CAMK1D: variants seen among roughly 807,000 people sequenced by gnomAD.
CAMK1D encodes calcium/calmodulin-dependent protein kinase type 1D.
A neutral mutation model predicts 47.7 loss-of-function variants in CAMK1D; 9 were observed. That is an observed-to-expected ratio of 0.19 (90% CI 0.11 to 0.33). The LOEUF (loss-of-function observed/expected upper bound fraction) is 0.33. Ranked by LOEUF, CAMK1D falls within the 10% of genes least tolerant of loss-of-function variation. The pLI is 1.00. For missense variants in CAMK1D, 291 were observed against 488.7 expected, an observed-to-expected ratio of 0.60 and a Z score of 3.81; for synonymous variants, 184 against 184.9, an observed-to-expected ratio of 0.99 and a Z score of 0.04.
chr10:12,655,887 A>G lies in CAMK1D; in HGVS notation c.225-10849A>G, dbSNP rs955740996. ...ACTTGTCTGTGCAGATAAAGAACCT[A>G]TTGATGCACAAGTTGTCACCAGGCT... On this transcript the variant is annotated intron_variant, in intron 2 of 10. Transcript: ENST00000619168. 4.6e-5 allele frequency among the ~76,000 whole-genome samples: 7 copies of G among 152,240 alleles called. No homozygotes were observed. The South Asian group carries it at 1.2e-3, about 27-fold the overall frequency.
intron 1 of CAMK1D, among the ~76,000 whole-genome samples, chr10:12,415,106 T>C (rs1462345408): frequency 6.6e-6 from 1 of 152,106 alleles, no homozygotes; most frequent in Non-Finnish European, 1.5e-5. Context: ...GGGCCACCTT[T>C]CTTAGTTCAT....
chr10:12,504,268 C>T (rs1193134993), intron 1 of CAMK1D, among the ~76,000 whole-genome samples: 1 of 148,182 alleles, frequency 6.7e-6, no homozygotes, highest in East Asian at 1.9e-4. Context: ...GCTGGAGACC[C>T]AGGAAAGCCA....
intron 2 of CAMK1D, among the ~76,000 whole-genome samples, chr10:12,598,415 G>A (rs1360259341): frequency 1.3e-5 from 2 of 152,286 alleles, no homozygotes. Flanking sequence ...AGATACATCA[G>A]GTTGTGCTCT....
At chr10:12,389,688 G>A (rs901237713) in intron 1 of CAMK1D, among the ~76,000 whole-genome samples, 1 of 152,268 alleles carries the variant, frequency 6.6e-6, no homozygotes, top group Non-Finnish European at 1.5e-5. Context: ...GAATGTTAAT[G>A]GCCGTGAGTT....
intron 7 of CAMK1D, 110 bp downstream of exon 7, chr10:12,814,417 G>A (rs1434354492): frequency 3.2e-6 from 2 of 633,096 alleles, no homozygotes; most frequent in Admixed American, 2.7e-5. Flanking sequence ...ACAGTCCTGA[G>A]GGTCCTGTCT....
chr10:12,754,750 A>G (rs552346202), intron 3 of CAMK1D, among the ~76,000 whole-genome samples: 3 of 151,996 alleles, frequency 2.0e-5, no homozygotes, highest in South Asian at 2.1e-4. Context: ...GAGTCCTTAC[A>G]TGGTCTTCCT....
chr10:12,366,310 A>G lies in CAMK1D; in HGVS notation c.92+16400A>G, dbSNP rs149988076. Among the ~76,000 whole-genome samples the G allele has an allele frequency of 5.6e-3, 849 of 152,302 alleles. 11 individuals carry two copies. Among genetic ancestry groups the G allele is most frequent in the African/African-American group, 0.019 (802 of 41,562 alleles). On this transcript the variant is annotated intron_variant, in intron 1 of 10. Coordinates refer to ENST00000619168, the MANE Select transcript of CAMK1D (RefSeq NM_153498.4). ...CTTAAAATTAGAACAGCAACATGCCATCCTTGTAGAGAATTTGAAAAATTT... is the reference window on the plus strand; with the variant it reads ...CTTAAAATTAGAACAGCAACATGCCGTCCTTGTAGAGAATTTGAAAAATTT...
chr10:12,463,905 T>G (rs1024380754), intron 1 of CAMK1D, among the ~76,000 whole-genome samples: 20 of 152,164 alleles, frequency 1.3e-4, no homozygotes, highest in African/African-American at 4.8e-4. Context: ...TAGTGTCTCC[T>G]GCGTTCCTTC....
At chr10:12,630,206 T>C (rs538236657) in intron 2 of CAMK1D, among the ~76,000 whole-genome samples, 2 of 152,304 alleles carry the variant, frequency 1.3e-5, no homozygotes, top group African/African-American at 2.4e-5. Flanking sequence ...CTAACTTTCA[T>C]GCTCCGTCTT....
intron 3 of CAMK1D, among the ~76,000 whole-genome samples, chr10:12,703,423 C>T (rs1190332367): frequency 6.6e-6 from 1 of 152,186 alleles, no homozygotes; most frequent in African/African-American, 2.4e-5. Context: ...GGAGTCCAGT[C>T]CCACAGCTGT....
intron 5 of CAMK1D, among the ~76,000 whole-genome samples, chr10:12,774,119 C>G (rs1588910861): frequency 6.6e-6 from 1 of 152,058 alleles, no homozygotes; most frequent in Non-Finnish European, 1.5e-5. Context: ...ACATAAAAAT[C>G]CCCTCCCTAG....
At chr10:12,641,505 C>A (rs897808996) in intron 2 of CAMK1D, among the ~76,000 whole-genome samples, 1 of 151,260 alleles carries the variant, frequency 6.6e-6, no homozygotes, top group African/African-American at 2.4e-5. Flanking sequence ...ACCTGTAGTC[C>A]TGGTTGGAAA....
intron 1 of CAMK1D, among the ~76,000 whole-genome samples, chr10:12,528,679 G>A (rs1363294615): frequency 6.6e-6 from 1 of 151,580 alleles, no homozygotes; most frequent in Non-Finnish European, 1.5e-5. Flanking sequence ...ATTTGTGAGT[G>A]TCAGATGTTA....
intron 7 of CAMK1D, among the ~76,000 whole-genome samples, chr10:12,815,038 G>A (rs1361398951): frequency 3.3e-5 from 5 of 152,190 alleles, no homozygotes; most frequent in Admixed American, 2.6e-4. Context: ...TCAGTCCTCA[G>A]GACAGCCTGT....
At chr10:12,735,583 G>C (rs1835152672) in intron 3 of CAMK1D, among the ~76,000 whole-genome samples, 1 of 152,202 alleles carries the variant, frequency 6.6e-6, no homozygotes, top group Non-Finnish European at 1.5e-5. Context: ...GTGTCCAAGG[G>C]ACAGTGATGG....
chr10:12,468,564 A>G (rs1833657115), intron 1 of CAMK1D, among the ~76,000 whole-genome samples: 1 of 152,156 alleles, frequency 6.6e-6, no homozygotes, highest in Non-Finnish European at 1.5e-5. Flanking sequence ...GTTGTCCTGG[A>G]GTGGCATGGC....
rs1047379452 is a variant in CAMK1D, at chr10:12,828,930, G to T, written c.*43G>T. ...GCCCGGGGTCGGGGCTGGGGAAGGGGAGCCCCAGGGTCGCCAGAGCCGCGA... is the reference window on the plus strand; with the variant it reads ...GCCCGGGGTCGGGGCTGGGGAAGGGTAGCCCCAGGGTCGCCAGAGCCGCGA... On this transcript the variant is annotated 3_prime_UTR_variant, in exon 11 of 11. Transcript: ENST00000619168. 1.4e-6 allele frequency: 2 copies of T among 1,443,374 alleles called. No homozygotes were observed. Among genetic ancestry groups the T allele is most frequent in the Admixed American group, 2.2e-5 (1 of 44,770 alleles). 89.4% of individuals were successfully genotyped at this position (1,443,374 alleles called of 1,614,324 possible).
chr10:12,695,555 T>C (rs1308496999), intron 3 of CAMK1D, among the ~76,000 whole-genome samples: 1 of 152,190 alleles, frequency 6.6e-6, no homozygotes, highest in African/African-American at 2.4e-5. Context: ...GCATTTTAAG[T>C]AAAAGTTACT....
At chr10:12,595,364 A>AAAAAAAAAAAAAAAAT (rs60206877) in intron 2 of CAMK1D, among the ~76,000 whole-genome samples, 2 of 149,522 alleles carry the variant, frequency 1.3e-5, no homozygotes, top group South Asian at 2.1e-4. Flanking sequence ...AAAAAAAAAA[A>AAAAAAAAAAAAAAAAT]GGATGGTTTT....
Sources: allele counts gnomAD v4.1 joint callset (sites outside exome capture counted in the v4.1 genomes callset), GRCh38; gene constraint gnomAD v4.1.1; transcripts MANE v1.5; gene names NCBI Gene and HGNC (gene_info 2026-07-23, HGNC 2026-07-21).